The following KIR3DL2 variants were observed in gnomAD, a reference collection of about 807,000 sequenced individuals.
The protein encoded by KIR3DL2 is killer cell immunoglobulin like receptor, three Ig domains and long cytoplasmic tail 2.
KIR3DL2 carries 42 observed loss-of-function variants against 41.6 expected under a neutral mutation model. The observed-to-expected ratio is 1.01, with a 90% CI of 0.79 to 1.31. KIR3DL2 has a LOEUF of 1.31. Among genes scored for constraint, KIR3DL2 ranks in the 50% most tolerant of loss-of-function variants. The probability of loss-of-function intolerance (pLI) is 0.00; values close to 1 mark genes in which losing one functional copy is unlikely to be tolerated. For synonymous variants in KIR3DL2, 230 were observed against 221.3 expected (o/e 1.04, Z -0.35); for missense variants, 728 against 576.8 (o/e 1.26, Z -2.68).
rs1226764165 is a variant in KIR3DL2 at position 54,866,375 on chromosome 19, G to T, written c.1111G>T (p.Ala371Ser). The T allele has an allele frequency of 6.2e-7, 1 of 1,613,938 alleles. No individual in the cohort carries two copies. The highest frequency in any genetic ancestry group is 8.5e-7 in the Non-Finnish European group (1 of 1,179,960). The change falls in exon 8 of 9, where the codon GCT becomes TCT. Residue 371 changes from alanine (A) to serine (S), a missense_variant. By Grantham distance (99) the Ala-to-Ser change is moderately conservative. Transcript: ENST00000326321. ...YRWCSNKKNA[A>S]VMDQEPAGDR... ...ATGACTTCCGTCTCCTACAGATGCT[G>T]CTGTAATGGACCAAGAGCCTGCGGG...
chr19:54,863,577 G>T (rs897297775), intron 6 of KIR3DL2, among the ~76,000 whole-genome samples: 79 of 152,128 alleles, frequency 5.2e-4, no homozygotes, highest in African/African-American at 1.8e-3. Context: ...ATCTCATTGT[G>T]GTTTTGATTT....
At chr19:54,851,831 G>C (rs1217178398) in intron 2 of KIR3DL2, among the ~76,000 whole-genome samples, 167 bp from the exon 3 acceptor site, 1 of 151,854 alleles carries the variant, frequency 6.6e-6, no homozygotes, top group Non-Finnish European at 1.5e-5. Flanking sequence ...GCTGACACTT[G>C]TTGTAGGGAG....
chr19:54,865,120 C>T lies in KIR3DL2; in HGVS notation c.1001-685C>T, dbSNP rs184166487. On this transcript the variant is annotated intron_variant, in intron 6 of 8. Coordinates refer to ENST00000326321, the MANE Select transcript of KIR3DL2 (RefSeq NM_006737.4). ...TTCTGCATCTATTGAGATAGTCGTC[C>T]GGTTTTTGTCTTTGGTTCTGTTTAT... 4.0e-3 allele frequency among the ~76,000 whole-genome samples: 615 copies of T among 151,952 alleles called. 6 individuals carry two copies. Among genetic ancestry groups the T allele is most frequent in the African/African-American group, 0.014 (570 of 41,464 alleles).
chr19:54,852,484 G>C (rs1309092888), intron 3 of KIR3DL2, among the ~76,000 whole-genome samples: 2 of 151,532 alleles, frequency 1.3e-5, no homozygotes, highest in Non-Finnish European at 2.9e-5. Context: ...TGGAGCCTGT[G>C]ACTATTTATG....
chr19:54,857,876 C>G (rs1206896735), intron 5 of KIR3DL2, among the ~76,000 whole-genome samples: 2 of 151,688 alleles, frequency 1.3e-5, no homozygotes, highest in African/African-American at 4.9e-5. Context: ...GAAAACTCAT[C>G]GCGATTGTAA....
At chr19:54,852,916 C>A (rs1160682233) in intron 3 of KIR3DL2, among the ~76,000 whole-genome samples, 3 of 150,912 alleles carry the variant, frequency 2.0e-5, no homozygotes, top group African/African-American at 7.4e-5. Context: ...AACAGGAAAC[C>A]GACACAGGAA....
At chr19:54,856,098 A>G (rs1205608470) in intron 5 of KIR3DL2, among the ~76,000 whole-genome samples, 186 bp downstream of exon 5, 1 of 151,402 alleles carries the variant, frequency 6.6e-6, no homozygotes, top group Non-Finnish European at 1.5e-5. Context: ...GCCTGCATGG[A>G]GGCCCATGGT....
chr19:54,855,898 T>G lies in KIR3DL2; in HGVS notation c.935T>G (p.Leu312Arg). 1.2e-6 allele frequency: 2 copies of G among 1,613,172 alleles called. No individual in the cohort carries two copies. Among genetic ancestry groups the G allele is most frequent in the South Asian group, 2.2e-5 (2 of 91,070 alleles). ...CVWSNSSDPL[L>R]VSVTGNPSSS... ...TGGTCAAACTCAAGTGACCCACTGC[T>G]TGTTTCTGTCACAGGTGAGGAAAAC... The change falls in exon 5 of 9, where the codon CTT (leucine) becomes CGT (arginine). Residue 312 changes from leucine (L) to arginine (R), a missense_variant. By Grantham distance (102) the Leu-to-Arg change is moderately radical. Coordinates refer to ENST00000326321, the MANE Select transcript of KIR3DL2 (RefSeq NM_006737.4).
chr19:54,853,247 C>T (rs1159702768), intron 3 of KIR3DL2, among the ~76,000 whole-genome samples: 1 of 151,676 alleles, frequency 6.6e-6, no homozygotes, highest in Non-Finnish European at 1.5e-5. Flanking sequence ...GGAACCAGCA[C>T]CAGGGACCAC....
At chr19:54,864,754 T>G (rs1262989531) in intron 6 of KIR3DL2, among the ~76,000 whole-genome samples, 1 of 152,064 alleles carries the variant, frequency 6.6e-6, no homozygotes, top group Non-Finnish European at 1.5e-5. Context: ...AAGGAGATTT[T>G]GGGCTGAGAC....
At chr19:54,850,596 T>G (rs2064104444) in intron 1 of KIR3DL2, 87 bp downstream of exon 1, 3 of 1,573,936 alleles carry the variant, frequency 1.9e-6, no homozygotes, top group East Asian at 2.3e-5. Flanking sequence ...AGTGGAGATA[T>G]GGGCCTGGAG....
chr19:54,859,463 G>A (rs1327419281), intron 6 of KIR3DL2, among the ~76,000 whole-genome samples: 1 of 152,118 alleles, frequency 6.6e-6, no homozygotes, highest in Non-Finnish European at 1.5e-5. Context: ...GGAAGGGAAG[G>A]GAACATCTGA....
chr19:54,854,196 G>A (rs2064547524), intron 4 of KIR3DL2, 150 bp downstream of exon 4: 11 of 988,774 alleles, frequency 1.1e-5, no homozygotes, highest in South Asian at 4.1e-5. Flanking sequence ...ACAGAGACAG[G>A]GAAACAGGAG....
At chr19:54,860,028 C>T (rs1601799888) in intron 6 of KIR3DL2, among the ~76,000 whole-genome samples, 1 of 152,120 alleles carries the variant, frequency 6.6e-6, no homozygotes, top group South Asian at 2.1e-4. Context: ...CTATTGGGTT[C>T]ACCAAGATGA....
intron 4 of KIR3DL2, among the ~76,000 whole-genome samples, chr19:54,855,061 A>ATGAT (rs1556681190): frequency 6.7e-6 from 1 of 148,160 alleles, no homozygotes; most frequent in Non-Finnish European, 1.5e-5. Flanking sequence ...GATGATGATG[A>ATGAT]AGATAGATAG....
Position 54,865,873 on chromosome 19 carries a change from T to A in KIR3DL2, c.1069T>A (p.Phe357Ile). ...CATCTTCCTCTTCATCCTCCTCCTCTTCTTTCTCCTTTATCGCTGGTGCTC... is the reference window on the plus strand; with the variant it reads ...CATCTTCCTCTTCATCCTCCTCCTCATCTTTCTCCTTTATCGCTGGTGCTC... ...VVIFLFILLLFFLLYRWCSNK... is the reference protein window; with the variant it reads ...VVIFLFILLLIFLLYRWCSNK... The change falls in exon 7 of 9, where the codon TTC (phenylalanine) becomes ATC (isoleucine). Residue 357 changes from phenylalanine to isoleucine, a missense_variant. By Grantham distance (21) the Phe-to-Ile change is conservative. Coordinates refer to ENST00000326321, the MANE Select transcript of KIR3DL2 (RefSeq NM_006737.4). 6.2e-7 allele frequency: 1 copy of A among 1,613,740 alleles called. No homozygotes were observed. Among genetic ancestry groups the A allele is most frequent in the Non-Finnish European group, 8.5e-7 (1 of 1,179,790 alleles).
At position 54,854,114 on chromosome 19, in the gene KIR3DL2, C is replaced by A. The variant is rs1364878047; in HGVS notation, c.655+68C>A. On this transcript the variant is annotated intron_variant, in intron 4 of 8. Coordinates refer to ENST00000326321, the MANE Select transcript of KIR3DL2 (RefSeq NM_006737.4). ...GAGTGAATGATCCAGGACTTGGAACCCCCAGGTGGTCATGAGGAAGATAAG... is the reference window on the plus strand; with the variant it reads ...GAGTGAATGATCCAGGACTTGGAACACCCAGGTGGTCATGAGGAAGATAAG... The A allele has an allele frequency of 3.8e-6, 5 of 1,317,314 alleles. No homozygotes were observed. In the Admixed American group the frequency reaches 9.2e-5, roughly 24 times the overall value. 81.6% of individuals were successfully genotyped at this position (1,317,314 alleles called of 1,614,324 possible).
intron 6 of KIR3DL2, among the ~76,000 whole-genome samples, chr19:54,859,820 G>T (rs1390701695): frequency 6.6e-6 from 1 of 152,014 alleles, no homozygotes. Flanking sequence ...AGGGTTCCAG[G>T]CAAGAATCTG....
At chr19:54,851,975 G>A (rs776594652) in intron 2 of KIR3DL2, 23 bp from the exon 3 acceptor site, 27 of 1,605,410 alleles carry the variant, frequency 1.7e-5, no homozygotes, top group Non-Finnish European at 2.2e-5. Flanking sequence ...TCCTCTCTAA[G>A]GCAGTGCCTC....
Sources: allele counts gnomAD v4.1 joint callset (sites outside exome capture counted in the v4.1 genomes callset), GRCh38; gene constraint gnomAD v4.1.1; transcripts MANE v1.5; gene names NCBI Gene and HGNC (gene_info 2026-07-23, HGNC 2026-07-21).